Variants in SRP72 observed in about 807,000 individuals in gnomAD.
The protein encoded by SRP72 is signal recognition particle 72, also known as signal recognition particle subunit SRP72.
A neutral mutation model predicts 96.3 loss-of-function variants in SRP72; 49 were observed. The observed-to-expected ratio is 0.51, with a 90% CI of 0.40 to 0.65. The LOEUF (loss-of-function observed/expected upper bound fraction) is 0.65. SRP72 is among the 30% of genes least tolerant of loss of function. The probability of loss-of-function intolerance (pLI) is 0.00; values close to 1 mark genes in which losing one functional copy is unlikely to be tolerated. For missense variants in SRP72, 736 were observed against 793.3 expected (o/e 0.93, Z 0.87); for synonymous variants, 267 against 275.2 (o/e 0.97, Z 0.30).
At chr4:56,473,710 A>T (rs565094629) in intron 3 of SRP72, among the ~76,000 whole-genome samples, 1 of 152,180 alleles carries the variant, frequency 6.6e-6, no homozygotes, top group African/African-American at 2.4e-5. Flanking sequence ...GGTTGCAGTG[A>T]GCCAAGATCG....
At chr4:56,498,129 A>G (rs1441012926) in intron 17 of SRP72, among the ~76,000 whole-genome samples, 3 of 152,058 alleles carry the variant, frequency 2.0e-5, no homozygotes, top group Non-Finnish European at 2.9e-5. Flanking sequence ...ACATTTTTTT[A>G]TAGATGTATC....
chr4:56,502,481 ATG>A lies in SRP72; in HGVS notation c.*622_*623del, dbSNP rs886059500. ...TTTTCATGTTTATATATATATATATATGTATATATATATACATATATATATAT... is the reference window on the plus strand; with the variant it reads ...TTTTCATGTTTATATATATATATATATATATATATATACATATATATATAT... On this transcript the variant is annotated 3_prime_UTR_variant, in exon 19 of 19. Transcript: ENST00000642900. 1.6e-4 allele frequency: 16 copies of A among 102,172 alleles called. No individual in the cohort carries two copies. The highest frequency in any genetic ancestry group is 1.5e-3 in the Admixed American group (14 of 9,440). The allele number at this position is 102,172 out of a possible 1,614,324, so 6.3% of individuals were successfully genotyped here.
intron 8 of SRP72, 146 bp downstream of exon 8, chr4:56,478,795 A>G: frequency 1.4e-6 from 1 of 718,156 alleles, no homozygotes; most frequent in Non-Finnish European, 2.3e-6. Flanking sequence ...GGATAGTATT[A>G]CTTAACTCTC....
chr4:56,476,980 G>A (rs1376120240), intron 6 of SRP72: 1 of 381,512 alleles, frequency 2.6e-6, no homozygotes, highest in Non-Finnish European at 4.6e-6. Context: ...TAAGGTCTTT[G>A]AGGACTGGTC....
intron 13 of SRP72, 50 bp downstream of exon 13, chr4:56,489,533 A>G: frequency 8.4e-7 from 1 of 1,191,418 alleles, no homozygotes; most frequent in African/African-American, 1.5e-5. Context: ...ACATAAAAAT[A>G]AAGATGGAGT....
At position 56,502,433 on chromosome 4, in the gene SRP72, T is replaced by C. The variant is rs1405972013; in HGVS notation, c.*572T>C. 1.4e-5 allele frequency: 2 copies of C among 145,692 alleles called. No individual in the cohort carries two copies. Among genetic ancestry groups the C allele is most frequent in the African/African-American group, 2.5e-5 (1 of 39,552 alleles). The allele number at this position is 145,692 out of a possible 1,614,324, so 9.0% of individuals were successfully genotyped here. On this transcript the variant is annotated 3_prime_UTR_variant, in exon 19 of 19. Transcript: ENST00000642900. ...TAATTTAACCATAAATTTTCTGTCA[T>C]GTGATACTGGAATATGGGATACTTT...
At position 56,501,727 on chromosome 4, in the gene SRP72, C is replaced by T. The variant is rs779372565; in HGVS notation, c.1882C>T (p.Pro628Ser). 2 of 1,614,142 alleles carry T rather than the reference C, an allele frequency of 1.2e-6. No homozygotes were observed. The highest frequency in any genetic ancestry group is 1.7e-5 in the Admixed American group (1 of 60,008). ...TVSSPPTSPR[P>S]GSAATVSAST... Reference sequence around the variant, plus strand: ...GAGCAGCCCACCCACCTCCCCAAGACCTGGCAGTGCTGCAACAGTATCTGC... The same window carrying T: ...GAGCAGCCCACCCACCTCCCCAAGATCTGGCAGTGCTGCAACAGTATCTGC... Residue 628 changes from proline to serine, a missense_variant, in exon 19 of 19, where the codon CCT becomes TCT. Around this residue, in one of 3 missense-constraint regions of SRP72, gnomAD observed 388 missense variants for 431.8 expected, o/e 0.90. Transcript: ENST00000642900.
chr4:56,499,864 G>A (rs1364140319), intron 17 of SRP72, among the ~76,000 whole-genome samples: 3 of 147,638 alleles, frequency 2.0e-5, no homozygotes, highest in Non-Finnish European at 3.0e-5. Context: ...CGCATTACTG[G>A]ATATATACCC....
intron 6 of SRP72, among the ~76,000 whole-genome samples, chr4:56,478,130 T>A (rs1452342096): frequency 6.6e-6 from 1 of 151,826 alleles, no homozygotes; most frequent in Admixed American, 6.6e-5. Flanking sequence ...GTTACCATGT[T>A]CTTCTAGGAT....
chr4:56,487,183 C>G (rs760380463), intron 11 of SRP72, among the ~76,000 whole-genome samples: 3 of 152,074 alleles, frequency 2.0e-5, no homozygotes, highest in African/African-American at 7.2e-5. Flanking sequence ...TCACAAAAAT[C>G]TTAAATATTA....
Position 56,483,180 on chromosome 4 carries a change from C to G in SRP72, c.867C>G (p.Thr289=), listed in dbSNP as rs1291932423. The G allele has an allele frequency of 6.2e-7, 1 of 1,611,412 alleles. No individual in the cohort carries two copies. Among genetic ancestry groups the G allele is most frequent in the Non-Finnish European group, 8.5e-7 (1 of 1,179,614 alleles). ...ACTCCAAGAAGAAAGTGAAATTAAC[C>G]AATGCGGAAGGAGTAGAGTTTAAGC... The part of the protein sequence containing the change: ...VFDSKKKVKL[T]NAEGVEFKLS... Residue 289 remains threonine, a synonymous_variant, in exon 9 of 19, where the codon ACC becomes ACG. Transcript: ENST00000642900.
chr4:56,474,540 C>A (rs1446994225), intron 5 of SRP72, 149 bp downstream of exon 5: 1 of 723,430 alleles, frequency 1.4e-6, no homozygotes, highest in Non-Finnish European at 2.2e-6. Flanking sequence ...GTCTTTCTCT[C>A]TCTTTTTTTT....
intron 8 of SRP72, among the ~76,000 whole-genome samples, chr4:56,478,880 C>T (rs1211958221): frequency 6.6e-6 from 1 of 152,140 alleles, no homozygotes; most frequent in Non-Finnish European, 1.5e-5. Flanking sequence ...TTAAGATCCT[C>T]CCCTTTTCCC....
rs181616994 is a variant in SRP72 at position 56,495,497 on chromosome 4, T to C, written c.1678+103T>C. On this transcript the variant is annotated intron_variant, in intron 17 of 18. Transcript: ENST00000642900. ...CATAAATATACTGCCCTCCCTTGTATCTTTGAAAACTTTTTATCTTGACTA... is the reference window on the plus strand; with the variant it reads ...CATAAATATACTGCCCTCCCTTGTACCTTTGAAAACTTTTTATCTTGACTA... 7.5e-4 allele frequency: 491 copies of C among 656,168 alleles called. 6 individuals carry two copies. In the African/African-American group the frequency reaches 8.5e-3, roughly 11 times the overall value. 40.6% of individuals were successfully genotyped at this position (656,168 alleles called of 1,614,324 possible).
intron 18 of SRP72, among the ~76,000 whole-genome samples, chr4:56,500,966 AAAAACT>A (rs1721244407): frequency 6.8e-6 from 1 of 147,942 alleles, no homozygotes. Flanking sequence ...AAACTATTAT[AAAAACT>A]AAAAGTCTCA....
chr4:56,483,391 T>C (rs886724174), intron 9 of SRP72, 121 bp downstream of exon 9: 5 of 1,005,406 alleles, frequency 5.0e-6, no homozygotes, highest in Admixed American at 3.0e-5. Context: ...AACTCATAAA[T>C]ATATTTTTTT....
intron 2 of SRP72, 22 bp downstream of exon 2, chr4:56,469,795 T>G (rs1412733843): frequency 6.3e-7 from 1 of 1,580,066 alleles, no homozygotes; most frequent in Non-Finnish European, 8.7e-7. Context: ...AGTTAGTTGC[T>G]TGTACAGTTA....
rs115942701 is a variant in SRP72, at chr4:56,482,613, G to A, written c.826-526G>A. ...ATTGCGGTAGTCTGGAACCAAACAC[G>A]AAATATCTCCAAGATATTTCTGTAT... On this transcript the variant is annotated intron_variant, in intron 8 of 18. Coordinates refer to ENST00000642900, the MANE Select transcript of SRP72 (RefSeq NM_006947.4). Among the ~76,000 whole-genome samples the A allele has an allele frequency of 7.0e-3, 1,062 of 152,206 alleles. 12 individuals carry two copies. Among genetic ancestry groups the A allele is most frequent in the African/African-American group, 0.024 (1,003 of 41,530 alleles).
intron 17 of SRP72, among the ~76,000 whole-genome samples, chr4:56,495,751 C>T (rs576237009): frequency 1.3e-5 from 2 of 152,278 alleles, no homozygotes; most frequent in African/African-American, 4.8e-5. Context: ...AGCACTTACA[C>T]ATTTTGATGT....
Sources: gnomAD v4.1 joint callset for allele counts (sites outside exome capture counted in the v4.1 genomes callset) on GRCh38, gnomAD v4.1.1 for gene constraint, gnomAD v4.1.1 regional missense constraint, MANE v1.5 for transcripts, NCBI Gene and HGNC (gene_info 2026-07-23, HGNC 2026-07-21) for gene names.